The following GATA6 variants were observed in gnomAD, a reference collection of about 807,000 sequenced individuals.
GATA6 encodes the protein transcription factor GATA-6.
GATA6 carries 11 observed loss-of-function variants against 48.1 expected under a neutral mutation model. That is an observed-to-expected ratio of 0.23 (90% CI 0.14 to 0.38). The LOEUF (loss-of-function observed/expected upper bound fraction) is 0.38, where lower values mean the gene tolerates loss of function less well. Ranked by LOEUF, GATA6 falls within the 10% of genes least tolerant of loss-of-function variation. The probability of loss-of-function intolerance (pLI) is 1.00; values close to 1 mark genes in which losing one functional copy is unlikely to be tolerated. For synonymous variants in GATA6, 419 were observed against 396.1 expected (o/e 1.06, Z -0.69); for missense variants, 795 against 850.3 (o/e 0.93, Z 0.81).
At position 22,170,851 on chromosome 18, in the gene GATA6, G is replaced by A; in HGVS notation, c.-37-257G>A. ...GTGGGCGGGGAGGACGCGGGGACCG[G>A]AGCGGTGCCTTTGAGGGAGGGCTGG... On this transcript the variant is annotated intron_variant, in intron 1 of 6. Transcript: ENST00000269216. The surrounding 1 kb of genome is among the most constrained non-coding windows in gnomAD (Gnocchi z 6.7). The A allele has an allele frequency of 2.0e-6, 1 of 512,770 alleles. No individual in the cohort carries two copies. The highest frequency in any genetic ancestry group is 2.4e-5 in the South Asian group (1 of 40,846). 31.8% of individuals were successfully genotyped at this position (512,770 alleles called of 1,614,324 possible). A position where few individuals can be genotyped will look rare whatever the true frequency, so the allele number is the denominator to read the frequency against.
chr18:22,195,871 G>C (rs992615592), intron 6 of GATA6, among the ~76,000 whole-genome samples: 3 of 152,170 alleles, frequency 2.0e-5, no homozygotes, highest in Non-Finnish European at 2.9e-5. Flanking sequence ...TGTTTCTATA[G>C]TTTCTACTAT....
chr18:22,172,339 G>T lies in GATA6; in HGVS notation c.1135+60G>T. 2 of 1,508,772 alleles carry T rather than the reference G, an allele frequency of 1.3e-6. No homozygotes were observed. The highest frequency in any genetic ancestry group is 1.8e-6 in the Non-Finnish European group (2 of 1,129,416). The allele number at this position is 1,508,772 out of a possible 1,614,324, so 93.5% of individuals were successfully genotyped here. A position where few individuals can be genotyped will look rare whatever the true frequency, so the allele number is the denominator to read the frequency against. Reference sequence around the variant, plus strand: ...CAAAGCGCTGGGGCGCACGGGGGACGTGGAGCAGCTGCTCCACTCGGGCCC... The same window carrying T: ...CAAAGCGCTGGGGCGCACGGGGGACTTGGAGCAGCTGCTCCACTCGGGCCC... On this transcript the variant is annotated intron_variant, in intron 2 of 6. Coordinates refer to ENST00000269216, the MANE Select transcript of GATA6 (RefSeq NM_005257.6). The surrounding 1 kb of genome is among the most constrained non-coding windows in gnomAD (Gnocchi z 5.2).
In GATA6 at chr18:22,180,194, GTA is replaced by G. The variant is rs1348197823; in HGVS notation, c.1303-1255_1303-1254del. 6 of 151,812 alleles carry G rather than the reference GTA, an allele frequency of 4.0e-5. No individual in the cohort carries two copies. In the South Asian group the frequency reaches 8.3e-4, roughly 21 times the overall value. The allele number at this position is 151,812 out of a possible 1,614,324, so 9.4% of individuals were successfully genotyped here. ...TCTTCTCTGTATCCTTCCAATTTTA[GTA>G]TATGTGTTGCTGAAGCAAGCATCCA... On this transcript the variant is annotated intron_variant, in intron 3 of 6. Coordinates refer to ENST00000269216, the MANE Select transcript of GATA6 (RefSeq NM_005257.6).
At chr18:22,177,431 G>A (rs2033137545) in intron 3 of GATA6, among the ~76,000 whole-genome samples, 1 of 152,112 alleles carries the variant, frequency 6.6e-6, no homozygotes, top group South Asian at 2.1e-4. Flanking sequence ...AAAAAGGAAG[G>A]TGCAAAATGT....
intron 6 of GATA6, among the ~76,000 whole-genome samples, chr18:22,183,316 T>G (rs138680096): frequency 2.5e-4 from 38 of 152,332 alleles, no homozygotes; most frequent in African/African-American, 9.1e-4. Flanking sequence ...TAAAGTGTTT[T>G]AAATTGTTTT....
At chr18:22,182,908 T>A in intron 5 of GATA6, 32 bp from the exon 6 acceptor site, 1 of 1,601,564 alleles carries the variant, frequency 6.2e-7, no homozygotes, top group South Asian at 1.1e-5. Flanking sequence ...AGAGCATATG[T>A]ATATTTATAA....
At chr18:22,176,802 C>T in intron 2 of GATA6, 153 bp from the exon 3 acceptor site, 1 of 865,104 alleles carries the variant, frequency 1.2e-6, no homozygotes, top group South Asian at 1.8e-5. Context: ...TAACCCTGCT[C>T]CTGGCTTTGC....
chr18:22,196,545 A>C (rs535465299), intron 6 of GATA6, among the ~76,000 whole-genome samples: 13 of 152,256 alleles, frequency 8.5e-5, no homozygotes, highest in Admixed American at 8.5e-4. Context: ...GTTTGAGAAC[A>C]GCCTAGGCAA....
In GATA6 at chr18:22,171,190, G is replaced by A. The variant is rs1035980210; in HGVS notation, c.46G>A (p.Ala16Thr). 1 of 1,599,794 alleles carries A rather than the reference G, an allele frequency of 6.3e-7. No individual in the cohort carries two copies. Among genetic ancestry groups the A allele is most frequent in the South Asian group, 1.1e-5 (1 of 90,966 alleles). Residue 16 changes from alanine (A) to threonine (T), a missense_variant, in exon 2 of 7, where the codon GCC (alanine) becomes ACC (threonine). Ala to Thr is a moderately conservative substitution (Grantham distance 58, BLOSUM62 0). This residue lies in a region of GATA6 where 591 missense variants were observed against 570.0 expected (regional missense o/e 1.04). Coordinates refer to ENST00000269216, the MANE Select transcript of GATA6 (RefSeq NM_005257.6). The surrounding 1 kb of genome is among the most constrained non-coding windows in gnomAD (Gnocchi z 7.1). ...CTGGTGCTTGCCGAAGCGCTTCGGGGCCGCGGGTGCGGACGCCAGCGACTC... is the reference window on the plus strand; with the variant it reads ...CTGGTGCTTGCCGAAGCGCTTCGGGACCGCGGGTGCGGACGCCAGCGACTC... The part of the protein sequence containing the change: ...GGWCLPKRFG[A>T]AGADASDSRA...
At chr18:22,199,449 T>C (rs187182543) in intron 6 of GATA6, among the ~76,000 whole-genome samples, 1 of 152,334 alleles carries the variant, frequency 6.6e-6, no homozygotes, top group African/African-American at 2.4e-5. Flanking sequence ...GCGAAATTTT[T>C]CAAAAAGCTT....
chr18:22,200,659 G>A lies in GATA6; in HGVS notation c.1624G>A (p.Gly542Ser), dbSNP rs1568011554. 1.2e-6 allele frequency: 2 copies of A among 1,614,116 alleles called. No homozygotes were observed. Among genetic ancestry groups the A allele is most frequent in the Middle Eastern group, 1.6e-4 (1 of 6,084 alleles). Residue 542 changes from glycine to serine, a missense_variant, in exon 7 of 7, where the codon GGT becomes AGT. Physicochemically the swap from Gly to Ser is moderately conservative, Grantham distance 56. Around this residue, in one of 5 missense-constraint regions of GATA6, gnomAD observed 103 missense variants for 103.7 expected, o/e 0.99. Transcript: ENST00000269216. ...PTTQPTASGAGAPVMTGAGES... is the reference protein window; with the variant it reads ...PTTQPTASGASAPVMTGAGES... The stretch of plus-strand genomic sequence containing the variant: ...CTGTGTCCCCCTCTTCTGCCAGGCG[G>A]GTGCCCCGGTGATGACTGGTGCGGG...
In GATA6 at chr18:22,171,950, C is replaced by G; in HGVS notation, c.806C>G (p.Pro269Arg). The change falls in exon 2 of 7, where the codon CCG becomes CGG. Residue 269 changes from proline to arginine, a missense_variant. Physicochemically the swap from Pro to Arg is moderately radical, Grantham distance 103. Transcript: ENST00000269216. The surrounding 1 kb of genome is among the most constrained non-coding windows in gnomAD (Gnocchi z 7.1). ...VSARFPYSPS[P>R]PMANGAAREP... The stretch of plus-strand genomic sequence containing the variant: ...GCGCGCTTCCCCTACTCTCCCAGCC[C>G]GCCCATGGCCAACGGCGCCGCGCGG... 8.3e-7 allele frequency: 1 copy of G among 1,198,276 alleles called. No individual in the cohort carries two copies. Among genetic ancestry groups the G allele is most frequent in the African/African-American group, 1.6e-5 (1 of 62,996 alleles). 74.2% of individuals were successfully genotyped at this position (1,198,276 alleles called of 1,614,324 possible).
Position 22,172,328 on chromosome 18 carries a change from G to T in GATA6, c.1135+49G>T. On this transcript the variant is annotated intron_variant, in intron 2 of 6. Coordinates refer to ENST00000269216, the MANE Select transcript of GATA6 (RefSeq NM_005257.6). This position sits in a 1 kb window ranked among gnomAD's most constrained non-coding sequence, Gnocchi z 5.2. Reference sequence around the variant, plus strand: ...GGGTGCGGGTCCAAAGCGCTGGGGCGCACGGGGGACGTGGAGCAGCTGCTC... The same window carrying T: ...GGGTGCGGGTCCAAAGCGCTGGGGCTCACGGGGGACGTGGAGCAGCTGCTC... The T allele has an allele frequency of 6.6e-7, 1 of 1,513,124 alleles. No individual in the cohort carries two copies. The highest frequency in any genetic ancestry group is 8.8e-7 in the Non-Finnish European group (1 of 1,132,320). 93.7% of individuals were successfully genotyped at this position (1,513,124 alleles called of 1,614,324 possible).
At chr18:22,175,236 TAAAAA>T (rs1305969890) in intron 2 of GATA6, among the ~76,000 whole-genome samples, 1 of 152,172 alleles carries the variant, frequency 6.6e-6, no homozygotes, top group African/African-American at 2.4e-5. Flanking sequence ...TTTATTCAAC[TAAAAA>T]TAAGCAAGCT....
rs1598738932 is a variant in GATA6, at chr18:22,185,762, G to T, written c.1620+2719G>T. On this transcript the variant is annotated intron_variant, in intron 6 of 6. Coordinates refer to ENST00000269216, the MANE Select transcript of GATA6 (RefSeq NM_005257.6). The surrounding 1 kb of genome is among the most constrained non-coding windows in gnomAD (Gnocchi z 4.3). Reference sequence around the variant, plus strand: ...TAGGCTTGAGTGGTGTCCCCAGGTTGTTTTCATGGCGTGCCTGCGTATAAC... The same window carrying T: ...TAGGCTTGAGTGGTGTCCCCAGGTTTTTTTCATGGCGTGCCTGCGTATAAC... Among the ~76,000 whole-genome samples, 1 of 152,194 alleles carries T rather than the reference G, an allele frequency of 6.6e-6. No homozygotes were observed. Among genetic ancestry groups the T allele is most frequent in the East Asian group, 1.9e-4 (1 of 5,196 alleles).
chr18:22,171,621 G>A lies in GATA6; in HGVS notation c.477G>A (p.Pro159=). The change falls in exon 2 of 7, where the codon CCG becomes CCA. Residue 159 remains proline, a synonymous_variant. Transcript: ENST00000269216. The surrounding 1 kb of genome is among the most constrained non-coding windows in gnomAD (Gnocchi z 7.1). ...QTLAALSSQG[P]AAYDGAPGGF... is the part of the protein sequence containing the mutation. The stretch of plus-strand genomic sequence containing the variant: ...TCGCCGCTCTCTCCAGCCAGGGTCC[G>A]GCCGCCTACGACGGCGCGCCCGGCG... The A allele has an allele frequency of 1.3e-6, 2 of 1,598,004 alleles. No individual in the cohort carries two copies. Among genetic ancestry groups the A allele is most frequent in the Non-Finnish European group, 1.7e-6 (2 of 1,178,474 alleles).
Position 22,171,079 on chromosome 18 carries a change from C to T in GATA6, c.-37-29C>T, listed in dbSNP as rs901751964. The T allele has an allele frequency of 5.6e-6, 8 of 1,422,346 alleles. No individual in the cohort carries two copies. The highest frequency in any genetic ancestry group is 6.8e-6 in the Non-Finnish European group (7 of 1,026,044). 88.1% of individuals were successfully genotyped at this position (1,422,346 alleles called of 1,614,324 possible). ...CTCTTGTTAACCCGTCGATCTCCTA[C>T]CATACCCGTCTCCCCCACCCCACCT... is the stretch of plus-strand genomic sequence containing the variant. On this transcript the variant is annotated intron_variant, in intron 1 of 6. Coordinates refer to ENST00000269216, the MANE Select transcript of GATA6 (RefSeq NM_005257.6). The surrounding 1 kb of genome is among the most constrained non-coding windows in gnomAD (Gnocchi z 7.1).
rs141413584 is a variant in GATA6, at chr18:22,194,010, C to A, written c.1621-6646C>A. Among the ~76,000 whole-genome samples the A allele has an allele frequency of 3.8e-3, 580 of 151,348 alleles. 1 individual carries two copies. The highest frequency in any genetic ancestry group is 0.013 in the African/African-American group (550 of 41,024). Reference sequence around the variant, plus strand: ...GGGCATTTGTCTCCATGAGTTGATCCAATCAGAAATCTTTGACTTTTCAGA... The same window carrying A: ...GGGCATTTGTCTCCATGAGTTGATCAAATCAGAAATCTTTGACTTTTCAGA... On this transcript the variant is annotated intron_variant, in intron 6 of 6. Coordinates refer to ENST00000269216, the MANE Select transcript of GATA6 (RefSeq NM_005257.6).
At chr18:22,180,781 C>T (rs2033184603) in intron 3 of GATA6, among the ~76,000 whole-genome samples, 1 of 151,832 alleles carries the variant, frequency 6.6e-6, no homozygotes, top group South Asian at 2.1e-4. Flanking sequence ...CTGGTTTACT[C>T]CTTTACATAT....
Sources: gnomAD v4.1 joint callset for allele counts (sites outside exome capture counted in the v4.1 genomes callset) on GRCh38, gnomAD v4.1.1 for gene constraint, gnomAD v4.1.1 regional missense constraint, Gnocchi (gnomAD v3.1) non-coding constraint, MANE v1.5 for transcripts, NCBI Gene and HGNC (gene_info 2026-07-23, HGNC 2026-07-21) for gene names.